The following MND1 variants were observed in gnomAD, a reference collection of about 807,000 sequenced individuals.
MND1 encodes meiotic nuclear division protein 1 homolog.
In MND1, 28 loss-of-function variants were observed where a neutral mutation model predicts 35.1. The ratio of observed to expected loss-of-function variants is 0.80; its 90% CI spans 0.59 to 1.09. MND1 has a LOEUF of 1.09. Among genes scored for constraint, MND1 ranks in the 50% least tolerant of loss-of-function variants. The probability of loss-of-function intolerance (pLI) is 0.00; values close to 1 mark genes in which losing one functional copy is unlikely to be tolerated. For synonymous variants in MND1, 69 were observed against 70.5 expected (o/e 0.98, Z 0.11); for missense variants, 213 against 239.6 (o/e 0.89, Z 0.73).
chr4:153,397,214 T>C lies in MND1; in HGVS notation c.352-5T>C, dbSNP rs1729219981. On this transcript the variant is annotated splice_polypyrimidine_tract_variant and splice_region_variant and intron_variant, in intron 5 of 7. Coordinates refer to ENST00000240488, the MANE Select transcript of MND1 (RefSeq NM_032117.4). ...TAATTGAACATAAAACTATCTGGAA[T>C]GCAGGAAGAGCGAACCAGGCTAGCA... 1 of 1,607,126 alleles carries C rather than the reference T, an allele frequency of 6.2e-7. No individual in the cohort carries two copies. Among genetic ancestry groups the C allele is most frequent in the African/African-American group, 1.3e-5 (1 of 74,786 alleles).
chr4:153,366,207 T>C (rs1374018168), intron 4 of MND1, among the ~76,000 whole-genome samples: 4 of 152,336 alleles, frequency 2.6e-5, no homozygotes, highest in Middle Eastern at 3.4e-3. Flanking sequence ...AGGATACATG[T>C]GATTGCATTT....
chr4:153,372,950 G>A (rs927281471), intron 4 of MND1, among the ~76,000 whole-genome samples: 4 of 151,416 alleles, frequency 2.6e-5, no homozygotes, highest in Admixed American at 6.6e-5. Flanking sequence ...ATTTATTCCA[G>A]GTAATATTCT....
At chr4:153,378,357 A>G (rs1288292616) in intron 4 of MND1, among the ~76,000 whole-genome samples, 2 of 152,168 alleles carry the variant, frequency 1.3e-5, no homozygotes, top group Non-Finnish European at 2.9e-5. Flanking sequence ...CTACTAGCTT[A>G]CCTGAATTAT....
chr4:153,378,657 CT>C (rs1440982378), intron 4 of MND1, among the ~76,000 whole-genome samples: 1 of 152,196 alleles, frequency 6.6e-6, no homozygotes, highest in Non-Finnish European at 1.5e-5. Context: ...TCCTAGACTA[CT>C]TTTTCTCCCC....
intron 6 of MND1, 130 bp from the exon 7 acceptor site, chr4:153,408,841 C>T (rs1579959167): frequency 1.4e-5 from 3 of 207,956 alleles, no homozygotes; most frequent in Non-Finnish European, 2.8e-5. Context: ...CCATTTTATA[C>T]ATAAATTTTA....
rs577107310 is a variant in MND1, at chr4:153,413,292, C to T, written c.512-1459C>T. On this transcript the variant is annotated intron_variant, in intron 7 of 7. Coordinates refer to ENST00000240488, the MANE Select transcript of MND1 (RefSeq NM_032117.4). ...TTTAACATTTTACAGAATACTCCGA[C>T]AAGCTATAAAATCTTATACCATTAT... Among the ~76,000 whole-genome samples, 76 of 152,276 alleles carry T rather than the reference C, an allele frequency of 5.0e-4. 2 individuals are homozygous for T. Among genetic ancestry groups the T allele is most frequent in the African/African-American group, 1.8e-3 (75 of 41,546 alleles).
At chr4:153,363,725 C>T (rs775051207) in intron 4 of MND1, among the ~76,000 whole-genome samples, 50 of 152,136 alleles carry the variant, frequency 3.3e-4, no homozygotes, top group Middle Eastern at 3.4e-3. Context: ...ATCAGGAGTT[C>T]GGACCTACCT....
chr4:153,360,403 G>T (rs999198654), intron 4 of MND1, among the ~76,000 whole-genome samples: 2 of 151,960 alleles, frequency 1.3e-5, no homozygotes, highest in African/African-American at 4.8e-5. Context: ...AAATCCAGGG[G>T]CATGTAGATT....
intron 4 of MND1, among the ~76,000 whole-genome samples, chr4:153,360,477 T>C (rs750202501): frequency 1.1e-4 from 17 of 151,948 alleles, no homozygotes; most frequent in African/African-American, 1.7e-4. Context: ...TTATTATCCA[T>C]TTTGAGTTAA....
chr4:153,400,977 T>A (rs565116370), intron 6 of MND1, among the ~76,000 whole-genome samples: 21 of 152,312 alleles, frequency 1.4e-4, no homozygotes, highest in Middle Eastern at 3.4e-3. Flanking sequence ...AAAACTACAA[T>A]GTCTGACATG....
intron 4 of MND1, among the ~76,000 whole-genome samples, chr4:153,393,915 C>CTTTGT (rs919010848): frequency 1.4e-5 from 1 of 73,016 alleles, no homozygotes; most frequent in African/African-American, 6.4e-5. Context: ...TAGTGTTTGA[C>CTTTGT]TTTGTTTTCT....
intron 2 of MND1, among the ~76,000 whole-genome samples, chr4:153,353,042 C>T (rs998300976): frequency 5.3e-5 from 8 of 152,106 alleles, no homozygotes; most frequent in African/African-American, 1.9e-4. Flanking sequence ...GCAGATATCT[C>T]AGTGGTTCAT....
chr4:153,397,922 A>C (rs973976020), intron 6 of MND1, among the ~76,000 whole-genome samples: 2 of 143,878 alleles, frequency 1.4e-5, no homozygotes, highest in African/African-American at 5.1e-5. Context: ...AAGGATAAAG[A>C]CATAAAATAT....
rs1157401669 is a variant in MND1, at chr4:153,349,666, C to T, written c.4-398C>T. On this transcript the variant is annotated intron_variant, in intron 1 of 7. Transcript: ENST00000240488. The stretch of plus-strand genomic sequence containing the variant: ...TAATCTCTGTCCTTAGGTAACCCTT[C>T]TTCCTCTGCATAGTGGAATTCATTG... Among the ~76,000 whole-genome samples the T allele has an allele frequency of 2.6e-5, 4 of 152,222 alleles. No homozygotes were observed. In the East Asian group the frequency reaches 7.7e-4, roughly 29 times the overall value.
At chr4:153,373,236 C>T (rs1561064388) in intron 4 of MND1, among the ~76,000 whole-genome samples, 1 of 152,054 alleles carries the variant, frequency 6.6e-6, no homozygotes, top group Non-Finnish European at 1.5e-5. Flanking sequence ...CTCAACTAGT[C>T]TCAAAGTTAC....
chr4:153,380,021 C>A (rs564245705), intron 4 of MND1, among the ~76,000 whole-genome samples: 1 of 151,882 alleles, frequency 6.6e-6, no homozygotes, highest in South Asian at 2.1e-4. Flanking sequence ...ACCCTATCCC[C>A]CCATACCAAA....
intron 6 of MND1, among the ~76,000 whole-genome samples, chr4:153,398,583 A>G (rs562873553): frequency 2.0e-5 from 3 of 152,346 alleles, no homozygotes; most frequent in African/African-American, 4.8e-5. Context: ...GGTGATATGT[A>G]GTGCCACTGG....
chr4:153,380,219 C>T (rs1286893946), intron 4 of MND1, among the ~76,000 whole-genome samples: 1 of 152,040 alleles, frequency 6.6e-6, no homozygotes, highest in Non-Finnish European at 1.5e-5. Flanking sequence ...AGTTGATTAT[C>T]TTATGTAACA....
chr4:153,383,404 C>A (rs940954196), intron 4 of MND1, among the ~76,000 whole-genome samples: 1 of 152,190 alleles, frequency 6.6e-6, no homozygotes, highest in Non-Finnish European at 1.5e-5. Flanking sequence ...CCAGCAGGGA[C>A]ACCCACAAAG....
Sources: allele counts gnomAD v4.1 joint callset (sites outside exome capture counted in the v4.1 genomes callset), GRCh38; gene constraint gnomAD v4.1.1; transcripts MANE v1.5; gene names NCBI Gene and HGNC (gene_info 2026-07-23, HGNC 2026-07-21).